The following DPH7 variants were observed in gnomAD, a reference collection of about 807,000 sequenced individuals.
DPH7 encodes diphthamide biosynthesis 7.
Under a neutral mutation model 41.7 loss-of-function variants are expected in DPH7, and 44 were observed. The ratio of observed to expected loss-of-function variants is 1.05; its 90% CI spans 0.83 to 1.36. The LOEUF is 1.36. DPH7 is among the 40% of genes most tolerant of loss of function. The pLI is 0.00. For synonymous variants in DPH7, 275 were observed against 238.0 expected, an observed-to-expected ratio of 1.16 and a Z score of -1.43; for missense variants, 629 against 577.5, an observed-to-expected ratio of 1.09 and a Z score of -0.91.
At chr9:137,569,737 TCCATCCATCCATCCATCCAACAATCCA>T (rs965617309) in intron 5 of DPH7, among the ~76,000 whole-genome samples, 3 of 125,894 alleles carry the variant, frequency 2.4e-5, no homozygotes, top group Non-Finnish European at 4.9e-5. Context: ...CATCCATCCA[TCCATCCATCCATCCATCCAACAATCCA>T]CCATCCATCT....
intron 8 of DPH7, among the ~76,000 whole-genome samples, chr9:137,560,523 A>G (rs1838333496): frequency 6.6e-6 from 1 of 151,974 alleles, no homozygotes; most frequent in African/African-American, 2.4e-5. Context: ...GATCAAGACC[A>G]TCCTGGCTAA....
Position 137,574,808 on chromosome 9 carries a change from G to C in DPH7, c.411C>G (p.Ala137=). The C allele has an allele frequency of 6.2e-7, 1 of 1,614,018 alleles. No homozygotes were observed. The highest frequency in any genetic ancestry group is 2.2e-5 in the East Asian group (1 of 44,872). ...ACAAAGCCAGACACTGCTCCTCCAG[G>C]GCAAGGCTGGACAATGGCTCCAGCA... ...SHVLEPLSSL[A]LEEQCLALSL... The change falls in exon 4 of 9, where the codon GCC becomes GCG. Residue 137 remains alanine, a synonymous_variant. Transcript: ENST00000277540.
At position 137,564,544 on chromosome 9, in the gene DPH7, G is replaced by C; in HGVS notation, c.839C>G (p.Pro280Arg). ...RNMKQPLADTPVQGGVWRIKW... is the reference protein window; with the variant it reads ...RNMKQPLADTRVQGGVWRIKW... ...GATTCTCCATACCCCACCCTGCACA[G>C]GCGTATCTGCCAACGGCTGCTTCAT... The change falls in exon 8 of 9, where the codon CCT becomes CGT. Residue 280 changes from proline to arginine, a missense_variant. Pro to Arg is a moderately radical substitution (Grantham distance 103). Coordinates refer to ENST00000277540, the MANE Select transcript of DPH7 (RefSeq NM_138778.5). 6.2e-7 allele frequency: 1 copy of C among 1,614,110 alleles called. No individual in the cohort carries two copies. The highest frequency in any genetic ancestry group is 8.5e-7 in the Non-Finnish European group (1 of 1,179,968).
At chr9:137,565,269 C>A in intron 5 of DPH7, 115 bp from the exon 6 acceptor site, 1 of 837,170 alleles carries the variant, frequency 1.2e-6, no homozygotes, top group Non-Finnish European at 1.8e-6. Context: ...GAGGAAGCTC[C>A]CCGGGGTGAC....
intron 8 of DPH7, among the ~76,000 whole-genome samples, chr9:137,563,093 T>C (rs1838901559): frequency 6.6e-6 from 1 of 151,770 alleles, no homozygotes; most frequent in African/African-American, 2.4e-5. Context: ...TGCAGTGAGC[T>C]ACAATTGCAC....
intron 1 of DPH7, chr9:137,577,851 C>T: frequency 1.6e-5 from 11 of 698,052 alleles, no homozygotes; most frequent in Non-Finnish European, 1.8e-5. Flanking sequence ...AGGGTAACCA[C>T]AGAACCCAGT....
At chr9:137,578,340 A>AT (rs1026380300) in intron 1 of DPH7, among the ~76,000 whole-genome samples, 1 of 151,728 alleles carries the variant, frequency 6.6e-6, no homozygotes, top group Middle Eastern at 3.4e-3. Flanking sequence ...ATTGTTTTGT[A>AT]TTTTTTTAGT....
At chr9:137,578,142 G>A (rs191979400) in intron 1 of DPH7, 6 of 185,984 alleles carry the variant, frequency 3.2e-5, no homozygotes, top group Non-Finnish European at 6.1e-5. Flanking sequence ...CTGGGTGACA[G>A]TGCAAGACCT....
intron 8 of DPH7, among the ~76,000 whole-genome samples, chr9:137,561,181 G>C (rs1379041020): frequency 6.6e-6 from 1 of 152,128 alleles, no homozygotes; most frequent in East Asian, 1.9e-4. Flanking sequence ...TAATCCCAAA[G>C]AGGAAAATAG....
chr9:137,573,513 TA>T (rs1436610452), intron 5 of DPH7, among the ~76,000 whole-genome samples: 35 of 133,028 alleles, frequency 2.6e-4, no homozygotes, highest in African/African-American at 7.5e-4. Flanking sequence ...CCCATCTCTC[TA>T]AAAAAAAAAC....
Position 137,555,541 on chromosome 9 carries a change from A to G in DPH7, c.1057T>C (p.Ser353Pro). The G allele has an allele frequency of 1.2e-6, 2 of 1,613,982 alleles. No individual in the cohort carries two copies. The highest frequency in any genetic ancestry group is 1.7e-6 in the Non-Finnish European group (2 of 1,180,000). The change falls in exon 9 of 9, where the codon TCG becomes CCG. Residue 353 changes from serine to proline, a missense_variant. Ser to Pro is a moderately conservative substitution (Grantham distance 74). Coordinates refer to ENST00000277540, the MANE Select transcript of DPH7 (RefSeq NM_138778.5). ...LLFRSLQRAP[S>P]WSFPSNLGTK... ...CCTAGGTTGCTAGGAAAGGACCACGAGGGGGCCCGCTGCAGAGAACGGAAG... is the reference window on the plus strand; with the variant it reads ...CCTAGGTTGCTAGGAAAGGACCACGGGGGGGCCCGCTGCAGAGAACGGAAG...
intron 3 of DPH7, chr9:137,575,368 C>T: frequency 1.0e-6 from 1 of 988,262 alleles, no homozygotes; most frequent in Non-Finnish European, 1.2e-6. Context: ...TTAACTCCAT[C>T]CCTGCTCCCA....
At chr9:137,564,731 C>A in intron 7 of DPH7, 125 bp from the exon 8 acceptor site, 1 of 1,459,158 alleles carries the variant, frequency 6.9e-7, no homozygotes, top group East Asian at 2.3e-5. Flanking sequence ...GACAAAGTCC[C>A]CTTTACCAAA....
Position 137,576,065 on chromosome 9 carries a change from G to C in DPH7, c.375+15C>G. On this transcript the variant is annotated intron_variant, in intron 3 of 8. Transcript: ENST00000277540. ...AGGTCCCTTCTGCCCCACAGAACAA[G>C]TGCAAGTCACTGACCTCAGATTCCA... is the stretch of plus-strand genomic sequence containing the variant. 1 of 1,613,856 alleles carries C rather than the reference G, an allele frequency of 6.2e-7. No homozygotes were observed. Among genetic ancestry groups the C allele is most frequent in the Non-Finnish European group, 8.5e-7 (1 of 1,180,026 alleles).
Position 137,565,133 on chromosome 9 carries a change from C to T in DPH7, c.662G>A (p.Arg221Lys). The stretch of plus-strand genomic sequence containing the variant: ...GCCGGGTACCCTGGTGTCCCAGCCC[C>T]TCAGAAGGCCATCGTCGCCCCCTGT... ...VYSGGDDGLL[R>K]GWDTRVPGKF... The change falls in exon 6 of 9, where the codon AGG becomes AAG. Residue 221 changes from arginine to lysine, a missense_variant. Coordinates refer to ENST00000277540, the MANE Select transcript of DPH7 (RefSeq NM_138778.5). The T allele has an allele frequency of 1.9e-6, 3 of 1,614,052 alleles. No homozygotes were observed. The highest frequency in any genetic ancestry group is 2.5e-6 in the Non-Finnish European group (3 of 1,180,026).
chr9:137,563,211 G>A (rs2132945254), intron 8 of DPH7, among the ~76,000 whole-genome samples: 1 of 151,926 alleles, frequency 6.6e-6, no homozygotes, highest in Admixed American at 6.6e-5. Context: ...CAATACAGAA[G>A]AGATGGAGAA....
intron 2 of DPH7, chr9:137,576,384 A>T (rs1841390917): frequency 3.6e-6 from 2 of 551,924 alleles, no homozygotes; most frequent in African/African-American, 1.9e-5. Flanking sequence ...GTGTGACACA[A>T]CAGGAAGTGG....
chr9:137,555,384 TTCC>T lies in DPH7; in HGVS notation c.1211_1213del (p.Arg404del), dbSNP rs1236649014. On this transcript the variant is annotated inframe_deletion, in exon 9 of 9. Coordinates refer to ENST00000277540, the MANE Select transcript of DPH7 (RefSeq NM_138778.5). ...TGTAGCCTGCAGCCAGGTGCCATTC[TTCC>T]TCATGCCCTCTGTGAGTGGCTTCAT... 1 of 1,614,206 alleles carries T rather than the reference TTCC, an allele frequency of 6.2e-7. No individual in the cohort carries two copies. Among genetic ancestry groups the T allele is most frequent in the South Asian group, 1.1e-5 (1 of 91,084 alleles).
chr9:137,578,662 C>G lies in DPH7; in HGVS notation c.116G>C (p.Arg39Pro), dbSNP rs1841878812. The change falls in exon 1 of 9, where the codon CGG becomes CCG. Residue 39 changes from arginine (R) to proline (P), a missense_variant. Coordinates refer to ENST00000277540, the MANE Select transcript of DPH7 (RefSeq NM_138778.5). ...HLLACGTYQL[R>P]RPEDRPAGPQ... ...GCCGGCAGGCCGGTCCTCCGGCCGC[C>G]GCAGCTGGTAGGTCCCGCACGCCAG... 1.3e-6 allele frequency: 2 copies of G among 1,523,260 alleles called. No individual in the cohort carries two copies. The highest frequency in any genetic ancestry group is 1.8e-6 in the Non-Finnish European group (2 of 1,137,958). 94.4% of individuals were successfully genotyped at this position (1,523,260 alleles called of 1,614,324 possible). A position where few individuals can be genotyped will look rare whatever the true frequency, so the allele number is the denominator to read the frequency against.
Sources: gnomAD v4.1 joint callset for allele counts (sites outside exome capture counted in the v4.1 genomes callset) on GRCh38, gnomAD v4.1.1 for gene constraint, MANE v1.5 for transcripts, NCBI Gene and HGNC (gene_info 2026-07-23, HGNC 2026-07-21) for gene names.